Variants in PDGFRL observed in about 807,000 individuals in gnomAD.
PDGFRL encodes the protein platelet derived growth factor receptor like.
A neutral mutation model predicts 37.2 loss-of-function variants in PDGFRL; 46 were observed. The ratio of observed to expected loss-of-function variants is 1.24; its 90% CI spans 0.98 to 1.58. PDGFRL has a LOEUF of 1.58. PDGFRL is among the 40% of genes most tolerant of loss of function. PDGFRL has a pLI of 0.00. For missense variants in PDGFRL, 692 were observed against 467.6 expected (o/e 1.48, Z -4.43); for synonymous variants, 251 against 184.3 (o/e 1.36, Z -2.93).
rs149805152 is a variant in PDGFRL at position 17,613,934 on chromosome 8, G to C, written c.354-7117G>C. Among the ~76,000 whole-genome samples, 453 of 152,314 alleles carry C rather than the reference G, an allele frequency of 3.0e-3. 3 individuals carry two copies. Among genetic ancestry groups the C allele is most frequent in the Non-Finnish European group, 3.1e-3 (213 of 68,036 alleles). ...ATCTGGCATAAGTGATTGCAGTAGA[G>C]AGACCTGAGCCACATTTCACAACGT... is the stretch of plus-strand genomic sequence containing the variant. On this transcript the variant is annotated intron_variant, in intron 2 of 5. Coordinates refer to ENST00000251630, the MANE Select transcript of PDGFRL (RefSeq NM_001372073.1).
intron 2 of PDGFRL, among the ~76,000 whole-genome samples, chr8:17,616,002 A>G (rs1036988150): frequency 4.2e-4 from 64 of 152,322 alleles, no homozygotes; most frequent in African/African-American, 1.4e-3. Context: ...GCGTGCCTGC[A>G]CTCAACAAGC....
chr8:17,576,556 C>T (rs765986042), upstream of PDGFRL: 3 of 172,796 alleles, frequency 1.7e-5, no homozygotes, highest in East Asian at 1.9e-4. Context: ...TTCTCCTGCT[C>T]ATACCCTAGC....
rs542202369 is a variant in PDGFRL, at chr8:17,581,108, A to G, written c.55+3801A>G. The stretch of plus-strand genomic sequence containing the variant: ...GATACCTGGGAGTTAGGACTTCAGC[A>G]TATCTTTTTAGGGGACACAATTCAA... On this transcript the variant is annotated intron_variant, in intron 1 of 5. Coordinates refer to ENST00000251630, the MANE Select transcript of PDGFRL (RefSeq NM_001372073.1). Among the ~76,000 whole-genome samples the G allele has an allele frequency of 2.6e-5, 4 of 152,236 alleles. No individual in the cohort carries two copies. The South Asian group carries it at 8.3e-4, about 32-fold the overall frequency.
intron 2 of PDGFRL, among the ~76,000 whole-genome samples, chr8:17,598,496 G>GAAGT (rs1804099735): frequency 6.6e-6 from 1 of 152,144 alleles, no homozygotes; most frequent in Non-Finnish European, 1.5e-5. Context: ...AGGGGTTTAG[G>GAAGT]CCGCATGTCA....
intron 2 of PDGFRL, among the ~76,000 whole-genome samples, chr8:17,592,719 C>G (rs988431936): frequency 6.6e-6 from 1 of 152,126 alleles, no homozygotes; most frequent in Non-Finnish European, 1.5e-5. Flanking sequence ...CATGGCAGGC[C>G]CCCCCAGCTA....
chr8:17,609,634 TAAAAAAAAA>T (rs3040922), intron 2 of PDGFRL, among the ~76,000 whole-genome samples: 37 of 43,544 alleles, frequency 8.5e-4, no homozygotes, highest in Middle Eastern at 0.024. Flanking sequence ...TGAGACTCTG[TAAAAAAAAA>T]AAAAAAAAAA....
chr8:17,577,297 G>A lies in PDGFRL; in HGVS notation c.45G>A (p.Ala15=), dbSNP rs760086905. ...LLLGLLLVHE[A]LEDVTGQHLP... Reference sequence around the variant, plus strand: ...TTGGTCTTCTGCTGGTGCACGAAGCGCTGGAGGATGGTGAGTGACTCTGGG... The same window carrying A: ...TTGGTCTTCTGCTGGTGCACGAAGCACTGGAGGATGGTGAGTGACTCTGGG... Residue 15 remains alanine (A), a synonymous_variant, in exon 1 of 6, where the codon GCG becomes GCA. Coordinates refer to ENST00000251630, the MANE Select transcript of PDGFRL (RefSeq NM_001372073.1). 38 of 1,612,648 alleles carry A rather than the reference G, an allele frequency of 2.4e-5. No homozygotes were observed. Among genetic ancestry groups the A allele is most frequent in the African/African-American group, 4.0e-5 (3 of 74,820 alleles).
chr8:17,602,823 C>T (rs1804194403), intron 2 of PDGFRL, among the ~76,000 whole-genome samples: 1 of 152,096 alleles, frequency 6.6e-6, no homozygotes, highest in Non-Finnish European at 1.5e-5. Context: ...CTTCCTATCA[C>T]CAGTAAATGA....
At chr8:17,626,694 CACAGAATGATCCAGAAAA>C (rs1158903577) in intron 3 of PDGFRL, among the ~76,000 whole-genome samples, 3 of 152,108 alleles carry the variant, frequency 2.0e-5, no homozygotes, top group African/African-American at 7.2e-5. Context: ...AATATTCCCT[CACAGAATGATCCAGAAAA>C]ACAAAGGATT....
chr8:17,623,268 C>G (rs1486448017), intron 3 of PDGFRL, among the ~76,000 whole-genome samples: 2 of 152,130 alleles, frequency 1.3e-5, no homozygotes, highest in Non-Finnish European at 2.9e-5. Context: ...TAGCCAGATT[C>G]TAGCTAGCAT....
At chr8:17,586,936 T>C (rs962468357) in intron 1 of PDGFRL, among the ~76,000 whole-genome samples, 12 of 152,214 alleles carry the variant, frequency 7.9e-5, no homozygotes, top group African/African-American at 2.9e-4. Flanking sequence ...TACGATGCAA[T>C]AGTCTCAAAA....
intron 5 of PDGFRL, among the ~76,000 whole-genome samples, chr8:17,642,208 A>C (rs1805135820): frequency 6.6e-6 from 1 of 152,122 alleles, no homozygotes; most frequent in Non-Finnish European, 1.5e-5. Context: ...CAGGCTACTG[A>C]CTTTCAGTTC....
chr8:17,596,925 C>A (rs1349783049), intron 2 of PDGFRL, among the ~76,000 whole-genome samples: 3 of 152,186 alleles, frequency 2.0e-5, no homozygotes, highest in African/African-American at 7.2e-5. Flanking sequence ...TCTGTGTTTT[C>A]TTTTTTCCGT....
chr8:17,580,387 C>G (rs1255765406), intron 1 of PDGFRL, among the ~76,000 whole-genome samples: 1 of 152,002 alleles, frequency 6.6e-6, no homozygotes, highest in East Asian at 1.9e-4. Context: ...TCTAAAGTTC[C>G]TTATTGTTTA....
intron 2 of PDGFRL, among the ~76,000 whole-genome samples, chr8:17,618,372 T>G (rs1244852070): frequency 6.6e-6 from 1 of 152,208 alleles, no homozygotes; most frequent in South Asian, 2.1e-4. Context: ...GACCATTTTT[T>G]ATTTGCTGTG....
chr8:17,597,021 G>GT (rs1214735633), intron 2 of PDGFRL, among the ~76,000 whole-genome samples: 5 of 144,644 alleles, frequency 3.5e-5, no homozygotes, highest in African/African-American at 1.4e-4. Context: ...AGTTTTTTTT[G>GT]TTTTTTGTTT....
At chr8:17,587,697 G>A (rs549179991) in intron 1 of PDGFRL, among the ~76,000 whole-genome samples, 2 of 151,516 alleles carry the variant, frequency 1.3e-5, no homozygotes, top group South Asian at 2.1e-4. Flanking sequence ...GTGTGATCTC[G>A]GCTCACTGTA....
intron 3 of PDGFRL, among the ~76,000 whole-genome samples, chr8:17,627,778 A>G (rs1804763132): frequency 1.3e-5 from 2 of 151,268 alleles, no homozygotes; most frequent in South Asian, 4.2e-4. Flanking sequence ...GCCTGGCCAG[A>G]TTGCAAATAT....
intron 2 of PDGFRL, among the ~76,000 whole-genome samples, chr8:17,601,946 T>C (rs1306300564): frequency 6.6e-6 from 1 of 152,222 alleles, no homozygotes; most frequent in Non-Finnish European, 1.5e-5. Flanking sequence ...CTTGTGCCTT[T>C]GTGGTAGAAC....
Sources: allele counts gnomAD v4.1 joint callset (sites outside exome capture counted in the v4.1 genomes callset), GRCh38; gene constraint gnomAD v4.1.1; transcripts MANE v1.5; gene names NCBI Gene and HGNC (gene_info 2026-07-23, HGNC 2026-07-21).